The following GCH1 variants were observed in gnomAD, a reference collection of about 807,000 sequenced individuals.
GCH1 encodes GTP cyclohydrolase I.
GCH1 carries 5 observed loss-of-function variants against 25.9 expected under a neutral mutation model. The ratio of observed to expected loss-of-function variants is 0.19; its 90% CI spans 0.10 to 0.41. The LOEUF is 0.41. Among genes scored for constraint, GCH1 ranks in the 10% least tolerant of loss-of-function variants. The pLI is 1.00. For synonymous variants in GCH1, 159 were observed against 129.6 expected, an observed-to-expected ratio of 1.23 and a Z score of -1.54; for missense variants, 261 against 336.5, an observed-to-expected ratio of 0.78 and a Z score of 1.75.
intron 1 of GCH1, among the ~76,000 whole-genome samples, chr14:54,866,788 C>T (rs1422716938): frequency 3.3e-5 from 5 of 152,142 alleles, no homozygotes; most frequent in Non-Finnish European, 7.3e-5. Context: ...TTCAGAGATA[C>T]ATTTGACTGT....
intron 4 of GCH1, 146 bp from the exon 5 acceptor site, chr14:54,845,998 G>GT (rs2039637126): frequency 3.0e-6 from 2 of 677,330 alleles, no homozygotes; most frequent in Non-Finnish European, 5.4e-6. Flanking sequence ...AGACTGCTTT[G>GT]TCTGCTGACT....
At chr14:54,852,563 G>T (rs746362482) in intron 3 of GCH1, among the ~76,000 whole-genome samples, 2 of 152,210 alleles carry the variant, frequency 1.3e-5, no homozygotes, top group Non-Finnish European at 2.9e-5. Flanking sequence ...GCACCTGGAG[G>T]AAACTCACAG....
Position 54,851,223 on chromosome 14 carries a change from C to A in GCH1, c.510-4093G>T, listed in dbSNP as rs556805871. 2.9e-3 allele frequency among the ~76,000 whole-genome samples: 443 copies of A among 152,196 alleles called. 1 individual carries two copies. The highest frequency in any genetic ancestry group is 0.017 in the South Asian group (82 of 4,824). Reference sequence around the variant, plus strand: ...TTACACCTTATACAAAAATTAATTCCAGATGGATTAAACACTTAAATGTTA... The same window carrying A: ...TTACACCTTATACAAAAATTAATTCAAGATGGATTAAACACTTAAATGTTA... On this transcript the variant is annotated intron_variant, in intron 3 of 5. Coordinates refer to ENST00000491895, the MANE Select transcript of GCH1 (RefSeq NM_000161.3).
At chr14:54,847,817 C>T (rs1412192767) in intron 3 of GCH1, among the ~76,000 whole-genome samples, 3 of 152,062 alleles carry the variant, frequency 2.0e-5, no homozygotes, top group Non-Finnish European at 4.4e-5. Context: ...TTAGGAAAAA[C>T]AGAGATGAGT....
intron 2 of GCH1, among the ~76,000 whole-genome samples, chr14:54,864,962 T>A (rs1325723956): frequency 2.0e-5 from 3 of 151,864 alleles, no homozygotes; most frequent in Non-Finnish European, 4.4e-5. Flanking sequence ...TTATTCAAGT[T>A]AAAATAAAGG....
intron 3 of GCH1, among the ~76,000 whole-genome samples, chr14:54,852,821 G>A (rs1203023430): frequency 6.6e-6 from 1 of 152,006 alleles, no homozygotes; most frequent in Non-Finnish European, 1.5e-5. Flanking sequence ...CTCTTCCATC[G>A]TGTTTGTCTG....
At chr14:54,882,862 A>G (rs758756679) in intron 1 of GCH1, among the ~76,000 whole-genome samples, 23 of 152,226 alleles carry the variant, frequency 1.5e-4, no homozygotes, top group Non-Finnish European at 2.2e-4. Context: ...ACAGATGAAG[A>G]GATAAGGGAT....
chr14:54,896,219 G>A (rs1348892235), intron 1 of GCH1, among the ~76,000 whole-genome samples: 1 of 152,162 alleles, frequency 6.6e-6, no homozygotes, highest in Non-Finnish European at 1.5e-5. Flanking sequence ...GACCTTCAGA[G>A]AAGTATGTTC....
intron 1 of GCH1, among the ~76,000 whole-genome samples, chr14:54,882,019 G>A (rs919185562): frequency 2.6e-5 from 4 of 152,126 alleles, no homozygotes; most frequent in African/African-American, 9.7e-5. Context: ...CTAACATTTT[G>A]CTCCTCATTA....
At chr14:54,896,614 C>A (rs1473027236) in intron 1 of GCH1, among the ~76,000 whole-genome samples, 1 of 152,024 alleles carries the variant, frequency 6.6e-6, no homozygotes, top group Non-Finnish European at 1.5e-5. Context: ...CCTATAAAAC[C>A]TACATAGAAG....
rs41298442 is a variant in GCH1 at position 54,844,099 on chromosome 14, T to C, written c.671A>G (p.Lys224Arg). 3.8e-4 allele frequency: 606 copies of C among 1,614,128 alleles called. No individual in the cohort carries two copies. The highest frequency in any genetic ancestry group is 9.8e-4 in the Admixed American group (59 of 60,028). Reference protein sequence around the residue: ...VMRGVQKMNSKTVTSTMLGVF... With the variant: ...VMRGVQKMNSRTVTSTMLGVF... ...ACCCAACATTGTGCTGGTCACAGTTTTGCTGTTCATTTTCTGTACACCTCG... is the reference window on the plus strand; with the variant it reads ...ACCCAACATTGTGCTGGTCACAGTTCTGCTGTTCATTTTCTGTACACCTCG... The change falls in exon 6 of 6, where the codon AAA (lysine) becomes AGA (arginine). Residue 224 changes from lysine (K) to arginine (R), a missense_variant. Transcript: ENST00000491895.
chr14:54,863,257 A>C (rs2039934093), intron 2 of GCH1, among the ~76,000 whole-genome samples: 1 of 151,756 alleles, frequency 6.6e-6, no homozygotes, highest in Non-Finnish European at 1.5e-5. Flanking sequence ...TTCTCTACTA[A>C]AAATACAACA....
chr14:54,882,042 T>C (rs2040280137), intron 1 of GCH1, among the ~76,000 whole-genome samples: 1 of 152,242 alleles, frequency 6.6e-6, no homozygotes, highest in African/African-American at 2.4e-5. Flanking sequence ...ACAGTAATAT[T>C]CATGGAAGTT....
Position 54,897,004 on chromosome 14 carries a change from C to CTTTTTT in GCH1, c.343+5316_343+5317insAAAAAA, listed in dbSNP as rs1264967638. On this transcript the variant is annotated intron_variant, in intron 1 of 5. Transcript: ENST00000491895. ...GACTGATCTTATCCATTCTACTCCA[C>CTTTTTT]TTTTTGTTTTTTTTTTTTTTTTTTG... 6.1e-4 allele frequency among the ~76,000 whole-genome samples: 71 copies of CTTTTTT among 115,922 alleles called. 1 individual carries two copies. The highest frequency in any genetic ancestry group is 7.1e-4 in the Non-Finnish European group (43 of 60,730). The allele number at this position is 115,922 out of a possible 152,430, so 76.0% of individuals were successfully genotyped here.
Position 54,859,695 on chromosome 14 carries a change from G to A in GCH1, c.495C>T (p.Leu165=). 6.3e-7 allele frequency: 1 copy of A among 1,598,394 alleles called. No homozygotes were observed. Among genetic ancestry groups the A allele is most frequent in the Non-Finnish European group, 8.6e-7 (1 of 1,165,664 alleles). ...GTCACACTTACCTCGCAAGTTTGCTGAGGCCAAGGACTTGCTTGTTAGGAA... is the reference window on the plus strand; with the variant it reads ...GTCACACTTACCTCGCAAGTTTGCTAAGGCCAAGGACTTGCTTGTTAGGAA... ...GYLPNKQVLG[L]SKLARIVEIY... The change falls in exon 3 of 6, where the codon CTC becomes CTT. Residue 165 remains leucine, a synonymous_variant. Transcript: ENST00000491895.
intron 1 of GCH1, among the ~76,000 whole-genome samples, chr14:54,893,247 A>G (rs537945852): frequency 6.6e-6 from 1 of 152,340 alleles, no homozygotes; most frequent in African/African-American, 2.4e-5. Flanking sequence ...CAAATTTATA[A>G]CCATGGGAAA....
chr14:54,882,835 A>G (rs1380084338), intron 1 of GCH1, among the ~76,000 whole-genome samples: 1 of 152,204 alleles, frequency 6.6e-6, no homozygotes, highest in Non-Finnish European at 1.5e-5. Context: ...AGAGTGCGCA[A>G]GCCACCATCA....
intron 1 of GCH1, among the ~76,000 whole-genome samples, chr14:54,888,196 AG>A (rs2040378210): frequency 6.6e-6 from 1 of 152,228 alleles, no homozygotes; most frequent in African/African-American, 2.4e-5. Context: ...CTGTTACTAT[AG>A]AAACGATTTG....
intron 3 of GCH1, among the ~76,000 whole-genome samples, chr14:54,856,613 C>T (rs1447190098): frequency 6.6e-6 from 1 of 152,012 alleles, no homozygotes; most frequent in African/African-American, 2.4e-5. Context: ...CTACCATGCC[C>T]TGCTAATTTT....
Sources: allele counts gnomAD v4.1 joint callset (sites outside exome capture counted in the v4.1 genomes callset), GRCh38; gene constraint gnomAD v4.1.1; transcripts MANE v1.5; gene names NCBI Gene and HGNC (gene_info 2026-07-23, HGNC 2026-07-21).